The following ARHGAP10 variants were observed in gnomAD, a reference collection of about 807,000 sequenced individuals.
ARHGAP10 encodes the protein Rho GTPase activating protein 10.
In ARHGAP10, 87 loss-of-function variants were observed where a neutral mutation model predicts 108.6. The ratio of observed to expected loss-of-function variants is 0.80; its 90% CI spans 0.67 to 0.96. The LOEUF (loss-of-function observed/expected upper bound fraction) is 0.96. Ranked by LOEUF, ARHGAP10 falls within the 40% of genes least tolerant of loss-of-function variation. The pLI is 0.00. For synonymous variants in ARHGAP10, 347 were observed against 341.1 expected, an observed-to-expected ratio of 1.02 and a Z score of -0.19; for missense variants, 939 against 954.5, an observed-to-expected ratio of 0.98 and a Z score of 0.21.
At chr4:147,877,660 G>T (rs1170049867) in intron 8 of ARHGAP10, among the ~76,000 whole-genome samples, 1 of 152,140 alleles carries the variant, frequency 6.6e-6, no homozygotes, top group Non-Finnish European at 1.5e-5. Context: ...GGCATGTGAA[G>T]TTCCAGATGC....
At chr4:148,056,117 G>T (rs1233721430) in intron 20 of ARHGAP10, among the ~76,000 whole-genome samples, 59 of 152,220 alleles carry the variant, frequency 3.9e-4, no homozygotes, top group Admixed American at 3.9e-3. Flanking sequence ...GTTGCAGAAG[G>T]CCTGCCAAGC....
chr4:147,841,821 A>C (rs1430381915), intron 3 of ARHGAP10, among the ~76,000 whole-genome samples: 2 of 152,200 alleles, frequency 1.3e-5, no homozygotes, highest in African/African-American at 4.8e-5. Flanking sequence ...TTAATAAAAA[A>C]GTTTTTTATA....
chr4:147,762,397 ATAATTAG>A (rs1729623562), intron 1 of ARHGAP10, among the ~76,000 whole-genome samples: 1 of 152,168 alleles, frequency 6.6e-6, no homozygotes, highest in Non-Finnish European at 1.5e-5. Flanking sequence ...AGACCTAAAG[ATAATTAG>A]TTTTAGAAGG....
chr4:148,038,677 T>A (rs1401016486), intron 19 of ARHGAP10, among the ~76,000 whole-genome samples: 1 of 152,180 alleles, frequency 6.6e-6, no homozygotes, highest in Non-Finnish European at 1.5e-5. Flanking sequence ...TGGTTTTGAT[T>A]GGGTGGCCCT....
At chr4:147,932,982 C>G (rs1737763801) in intron 13 of ARHGAP10, among the ~76,000 whole-genome samples, 1 of 152,104 alleles carries the variant, frequency 6.6e-6, no homozygotes, top group Non-Finnish European at 1.5e-5. Context: ...TGCATTTATA[C>G]TTTTTCAGCT....
intron 22 of ARHGAP10, among the ~76,000 whole-genome samples, chr4:148,071,085 G>C (rs2149696024): frequency 6.6e-6 from 1 of 152,284 alleles, no homozygotes; most frequent in East Asian, 1.9e-4. Flanking sequence ...ACGAGACTCT[G>C]AGAGGAGGAG....
chr4:148,009,751 C>G (rs988148791), intron 18 of ARHGAP10, among the ~76,000 whole-genome samples: 1 of 152,168 alleles, frequency 6.6e-6, no homozygotes, highest in Non-Finnish European at 1.5e-5. Flanking sequence ...GATGGACTAA[C>G]TCAGCTTCAA....
At chr4:147,766,840 T>TATATATA (rs1560747076) in intron 1 of ARHGAP10, among the ~76,000 whole-genome samples, 7 of 107,134 alleles carry the variant, frequency 6.5e-5, no homozygotes, top group African/African-American at 3.2e-4. Context: ...ATATATATAT[T>TATATATA]TATTTATTTA....
chr4:147,759,557 C>G (rs1424487985), intron 1 of ARHGAP10, among the ~76,000 whole-genome samples: 1 of 148,882 alleles, frequency 6.7e-6, no homozygotes, highest in Non-Finnish European at 1.5e-5. Flanking sequence ...CACACTCCTG[C>G]CTGGGTAGCA....
intron 18 of ARHGAP10, among the ~76,000 whole-genome samples, chr4:148,005,344 G>C (rs1578782301): frequency 6.6e-6 from 1 of 152,190 alleles, no homozygotes; most frequent in African/African-American, 2.4e-5. Context: ...ATCACTTTGA[G>C]GGCTTGAGGC....
rs1475427492 is a variant in ARHGAP10 at position 147,955,299 on chromosome 4, CT to C, written c.1392-16del. 15 of 1,601,996 alleles carry C rather than the reference CT, an allele frequency of 9.4e-6. No homozygotes were observed. The highest frequency in any genetic ancestry group is 1.3e-5 in the Non-Finnish European group (15 of 1,172,366). On this transcript the variant is annotated splice_polypyrimidine_tract_variant and intron_variant, in intron 15 of 22. Transcript: ENST00000336498. Reference sequence around the variant, plus strand: ...TTTGGATTTATTTGATAATTCTGAGCTGTTCTTTTCACACAGGAGTCTTCCA... The same window carrying C: ...TTTGGATTTATTTGATAATTCTGAGCGTTCTTTTCACACAGGAGTCTTCCA...
At chr4:147,776,872 C>T (rs62330675) in intron 1 of ARHGAP10, among the ~76,000 whole-genome samples, 5 of 152,182 alleles carry the variant, frequency 3.3e-5, no homozygotes, top group Admixed American at 1.3e-4. Flanking sequence ...TGAAGAGTTT[C>T]GAGGACTTTC....
intron 19 of ARHGAP10, among the ~76,000 whole-genome samples, chr4:148,037,358 A>G (rs1728426639): frequency 6.6e-6 from 1 of 152,156 alleles, no homozygotes; most frequent in Non-Finnish European, 1.5e-5. Context: ...TGGACAACTA[A>G]AGCATCTTTG....
At chr4:147,938,225 G>A (rs1318131033) in intron 13 of ARHGAP10, among the ~76,000 whole-genome samples, 1 of 152,076 alleles carries the variant, frequency 6.6e-6, no homozygotes, top group Non-Finnish European at 1.5e-5. Context: ...GTGGAGGGTG[G>A]GAAAAGGGAG....
chr4:148,001,558 C>G (rs1272563449), intron 18 of ARHGAP10, among the ~76,000 whole-genome samples: 25 of 151,968 alleles, frequency 1.6e-4, no homozygotes, highest in African/African-American at 5.1e-4. Flanking sequence ...ATGGAATGTT[C>G]TTCCATTTGT....
chr4:147,888,655 C>T (rs1024327143), intron 10 of ARHGAP10, among the ~76,000 whole-genome samples: 3 of 152,094 alleles, frequency 2.0e-5, no homozygotes, highest in Non-Finnish European at 4.4e-5. Context: ...CAATTACAGA[C>T]CCCCCGCCCT....
chr4:148,058,667 T>A (rs562111787), intron 20 of ARHGAP10, among the ~76,000 whole-genome samples: 1 of 152,356 alleles, frequency 6.6e-6, no homozygotes, highest in Admixed American at 6.5e-5. Flanking sequence ...TAGAGTCTGG[T>A]ACTGGAGGCG....
Position 148,063,219 on chromosome 4 carries a change from CA to C in ARHGAP10, c.2100del (p.Ala701LeufsTer2). The C allele has an allele frequency of 6.2e-7, 1 of 1,614,198 alleles. No homozygotes were observed. ...PQSPTTTSSN[S>X]AVTPLSPGSS... ...TCTCCAACCACAACAAGCTCCAACT[CA>C]GCTGTGACACCTCTTTCACCCGGGT... On this transcript the variant is annotated frameshift_variant, in exon 21 of 23. Transcript: ENST00000336498. LOFTEE classifies it high-confidence loss of function.
intron 3 of ARHGAP10, among the ~76,000 whole-genome samples, chr4:147,845,788 CTG>C (rs1448617018): frequency 6.6e-6 from 1 of 152,146 alleles, no homozygotes; most frequent in African/African-American, 2.4e-5. Flanking sequence ...CTATGAGACA[CTG>C]TGTGTAAATT....
Sources: allele counts gnomAD v4.1 joint callset (sites outside exome capture counted in the v4.1 genomes callset), GRCh38; gene constraint gnomAD v4.1.1; transcripts MANE v1.5; gene names NCBI Gene and HGNC (gene_info 2026-07-23, HGNC 2026-07-21).